HDAC9: variants seen among roughly 807,000 people sequenced by gnomAD.
HDAC9 encodes the protein MEF-2 interacting transcription repressor (MITR) protein.
Under a neutral mutation model 139.4 loss-of-function variants are expected in HDAC9, and 41 were observed. The observed-to-expected ratio is 0.29, with a 90% CI of 0.23 to 0.38. HDAC9 has a LOEUF of 0.38. HDAC9 is among the 10% of genes least tolerant of loss of function. The pLI is 1.00. For missense variants in HDAC9, 1,147 were observed against 1,297.0 expected, an observed-to-expected ratio of 0.88 and a Z score of 1.78; for synonymous variants, 517 against 476.2, an observed-to-expected ratio of 1.09 and a Z score of -1.12.
intron 1 of HDAC9, among the ~76,000 whole-genome samples, chr7:18,438,463 A>G (rs922573114): frequency 1.3e-5 from 2 of 152,212 alleles, no homozygotes; most frequent in East Asian, 3.8e-4. Context: ...AATGTATTGT[A>G]GTGAAATATT....
intron 2 of HDAC9, among the ~76,000 whole-genome samples, chr7:18,246,887 T>C (rs754919969): frequency 2.0e-5 from 3 of 152,058 alleles, no homozygotes; most frequent in Non-Finnish European, 4.4e-5. Context: ...GTGAGAGTGC[T>C]AGAAGGAATT....
At chr7:18,523,551 T>G (rs1271361001) in intron 2 of HDAC9, among the ~76,000 whole-genome samples, 1 of 152,174 alleles carries the variant, frequency 6.6e-6, no homozygotes. Flanking sequence ...CGTGCCAAAA[T>G]AGATGACAGA....
At position 18,424,700 on chromosome 7, in the gene HDAC9, G is replaced by A. The variant is rs989202881; in HGVS notation, c.-41-71562G>A. Among the ~76,000 whole-genome samples the A allele has an allele frequency of 5.9e-5, 9 of 152,280 alleles. 1 individual carries two copies. The East Asian group carries it at 1.7e-3, about 29-fold the overall frequency. On this transcript the variant is annotated intron_variant, in intron 1 of 3. Transcript: ENST00000413509. ...GAGGCAGACAGATCACCTGAGGTCA[G>A]GAGTTTGAGGCCAGCCAGGCCAACC...
chr7:18,746,253 A>G (rs1787965511), intron 13 of HDAC9, among the ~76,000 whole-genome samples: 1 of 152,216 alleles, frequency 6.6e-6, no homozygotes, highest in South Asian at 2.1e-4. Context: ...TTATGAAACT[A>G]TAGTTGAAAA....
At chr7:18,131,002 C>A (rs1381521519) in intron 1 of HDAC9, among the ~76,000 whole-genome samples, 1 of 152,036 alleles carries the variant, frequency 6.6e-6, no homozygotes, top group African/African-American at 2.4e-5. Context: ...TTCTTATAAT[C>A]GAGTGTTTAG....
At chr7:18,179,565 C>T (rs766608146) in intron 2 of HDAC9, among the ~76,000 whole-genome samples, 1 of 151,926 alleles carries the variant, frequency 6.6e-6, no homozygotes, top group Non-Finnish European at 1.5e-5. Context: ...CATTCTCTAC[C>T]CTCCCTCTCC....
chr7:18,094,609 T>A (rs147396280), intron 1 of HDAC9, among the ~76,000 whole-genome samples: 9 of 152,066 alleles, frequency 5.9e-5, no homozygotes, highest in East Asian at 1.9e-4. Context: ...TTAAAAAAAA[T>A]TATTTATTGT....
chr7:18,831,777 T>C (rs1267837142), intron 19 of HDAC9, among the ~76,000 whole-genome samples: 1 of 151,766 alleles, frequency 6.6e-6, no homozygotes. Context: ...AAAAAGCCAA[T>C]AGATGGCTTT....
At chr7:18,653,986 C>A (rs76843964) in intron 11 of HDAC9, among the ~76,000 whole-genome samples, 1 of 151,884 alleles carries the variant, frequency 6.6e-6, no homozygotes, top group African/African-American at 2.4e-5. Context: ...GCATGCATGC[C>A]TGTGTGTGTG....
intron 2 of HDAC9, among the ~76,000 whole-genome samples, chr7:18,557,341 T>G (rs1819121050): frequency 1.4e-5 from 2 of 142,124 alleles, no homozygotes; most frequent in African/African-American, 5.6e-5. Flanking sequence ...AATGATGAGT[T>G]TTTTTTTTTT....
intron 2 of HDAC9, among the ~76,000 whole-genome samples, chr7:18,581,423 T>C (rs1379215308): frequency 1.3e-5 from 2 of 152,166 alleles, no homozygotes; most frequent in Non-Finnish European, 2.9e-5. Flanking sequence ...GGATAGCAGG[T>C]TAAGAAGTCA....
At chr7:18,712,822 A>G (rs1784441439) in intron 12 of HDAC9, among the ~76,000 whole-genome samples, 1 of 152,218 alleles carries the variant, frequency 6.6e-6, no homozygotes, top group South Asian at 2.1e-4. Context: ...GTGCATAATA[A>G]TATTATTTTA....
chr7:18,233,026 G>A (rs1189623787), intron 2 of HDAC9, among the ~76,000 whole-genome samples: 2 of 152,012 alleles, frequency 1.3e-5, no homozygotes, highest in Non-Finnish European at 2.9e-5. Context: ...TTGTCTATAA[G>A]TATAAACTTC....
At position 18,734,935 on chromosome 7, in the gene HDAC9, G is replaced by A. The variant is rs141325829; in HGVS notation, c.1909+7178G>A. Among the ~76,000 whole-genome samples the A allele has an allele frequency of 5.6e-3, 849 of 152,272 alleles. 7 individuals carry two copies. The highest frequency in any genetic ancestry group is 8.7e-3 in the Admixed American group (133 of 15,290). On this transcript the variant is annotated intron_variant, in intron 13 of 25. Transcript: ENST00000686413. ...CTTTTTAGTGATTGCTATTCTAACT[G>A]GTGTGAAATGGTATCTCATTGTGGT... is the stretch of plus-strand genomic sequence containing the variant.
chr7:18,738,170 G>T (rs913769867), intron 13 of HDAC9, among the ~76,000 whole-genome samples: 1 of 152,100 alleles, frequency 6.6e-6, no homozygotes, highest in Non-Finnish European at 1.5e-5. Context: ...GGTGAGATGG[G>T]TCTCCTGAAT....
intron 2 of HDAC9, among the ~76,000 whole-genome samples, chr7:18,274,296 G>C (rs533423092): frequency 2.0e-5 from 3 of 152,076 alleles, no homozygotes; most frequent in African/African-American, 7.2e-5. Context: ...TCTGCATCTG[G>C]TGAGGTCCTC....
At chr7:18,874,098 T>A (rs538767007) in intron 21 of HDAC9, among the ~76,000 whole-genome samples, 21 of 152,108 alleles carry the variant, frequency 1.4e-4, no homozygotes, top group Non-Finnish European at 2.5e-4. Context: ...CAAGCCGGGT[T>A]TTCACTAAAG....
intron 22 of HDAC9, among the ~76,000 whole-genome samples, chr7:18,930,904 C>T (rs1027935642): frequency 1.3e-5 from 2 of 152,064 alleles, no homozygotes; most frequent in Non-Finnish European, 2.9e-5. Context: ...TTTTTCATTG[C>T]CAGAGGAAAG....
At chr7:18,690,914 T>A (rs1782628583) in intron 12 of HDAC9, among the ~76,000 whole-genome samples, 1 of 152,028 alleles carries the variant, frequency 6.6e-6, no homozygotes, top group Non-Finnish European at 1.5e-5. Context: ...AGCATATTTC[T>A]GTTTGATCAT....
Sources: allele counts gnomAD v4.1 joint callset (sites outside exome capture counted in the v4.1 genomes callset), GRCh38; gene constraint gnomAD v4.1.1; transcripts MANE v1.5; gene names NCBI Gene and HGNC (gene_info 2026-07-23, HGNC 2026-07-21).